FNDC3A: variants seen among roughly 807,000 people sequenced by gnomAD.
The protein encoded by FNDC3A is fibronectin type-III domain-containing protein 3A.
Under a neutral mutation model 148.9 loss-of-function variants are expected in FNDC3A, and 32 were observed. The observed-to-expected ratio is 0.21, with a 90% CI of 0.16 to 0.29. The LOEUF (loss-of-function observed/expected upper bound fraction) is 0.29, where lower values mean the gene tolerates loss of function less well. Among genes scored for constraint, FNDC3A ranks in the 10% least tolerant of loss-of-function variants. The pLI, the probability that FNDC3A is intolerant of heterozygous loss-of-function variation, is 1.00. For synonymous variants in FNDC3A, 472 were observed against 473.6 expected (o/e 1.00, Z 0.04); for missense variants, 1,191 against 1,452.8 (o/e 0.82, Z 2.93).
At chr13:49,134,984 T>C (rs896864912) in intron 5 of FNDC3A, among the ~76,000 whole-genome samples, 2 of 151,016 alleles carry the variant, frequency 1.3e-5, no homozygotes, top group African/African-American at 4.9e-5. Context: ...GCCTCGCGAA[T>C]AGCTGGGATT....
intron 4 of FNDC3A, among the ~76,000 whole-genome samples, chr13:49,126,891 G>A (rs1162898111): frequency 1.3e-5 from 2 of 152,186 alleles, no homozygotes; most frequent in African/African-American, 4.8e-5. Flanking sequence ...TATCCAGCAA[G>A]TGATACAGAA....
At chr13:49,119,607 AT>A (rs1881200181) in intron 4 of FNDC3A, among the ~76,000 whole-genome samples, 1 of 152,118 alleles carries the variant, frequency 6.6e-6, no homozygotes, top group South Asian at 2.1e-4. Flanking sequence ...GGTTACAGGA[AT>A]TGCTAACTTG....
At chr13:49,012,542 T>C (rs114643299) in intron 2 of FNDC3A, among the ~76,000 whole-genome samples, 266 of 152,174 alleles carry the variant, frequency 1.7e-3, no homozygotes, top group African/African-American at 6.2e-3. Flanking sequence ...TAGAATTAGC[T>C]TATCAATACA....
intron 17 of FNDC3A, among the ~76,000 whole-genome samples, chr13:49,189,610 C>T (rs1219770833): frequency 6.6e-6 from 1 of 151,662 alleles, no homozygotes; most frequent in East Asian, 1.9e-4. Context: ...GAAATATAGG[C>T]ATTTTGTTGA....
intron 2 of FNDC3A, 132 bp downstream of exon 2, chr13:49,006,421 TATAAG>T (rs1460585497): frequency 2.0e-6 from 1 of 502,882 alleles, no homozygotes; most frequent in Admixed American, 3.8e-5. Context: ...TGTTCAGTTT[TATAAG>T]ATGATAAAAA....
chr13:49,188,273 A>C (rs1885690309), intron 16 of FNDC3A, among the ~76,000 whole-genome samples: 1 of 152,234 alleles, frequency 6.6e-6, no homozygotes, highest in East Asian at 1.9e-4. Flanking sequence ...TTATCAATCT[A>C]GGCCAAAGTC....
chr13:49,004,375 A>T (rs911262726), intron 1 of FNDC3A, among the ~76,000 whole-genome samples: 3 of 152,088 alleles, frequency 2.0e-5, no homozygotes, highest in Non-Finnish European at 2.9e-5. Flanking sequence ...CAATAAACCA[A>T]TTTATAAATG....
intron 3 of FNDC3A, among the ~76,000 whole-genome samples, chr13:49,076,695 T>A (rs1878139014): frequency 6.6e-6 from 1 of 152,060 alleles, no homozygotes; most frequent in South Asian, 2.1e-4. Flanking sequence ...TGGTGAGTGC[T>A]GTAGTGTTAT....
At chr13:49,089,126 C>T (rs1879021742) in intron 3 of FNDC3A, among the ~76,000 whole-genome samples, 1 of 152,018 alleles carries the variant, frequency 6.6e-6, no homozygotes, top group South Asian at 2.1e-4. Context: ...GTGATAGTTG[C>T]ACAACAATGT....
chr13:49,129,502 C>T (rs1476716909), intron 4 of FNDC3A, among the ~76,000 whole-genome samples: 1 of 152,154 alleles, frequency 6.6e-6, no homozygotes, highest in African/African-American at 2.4e-5. Flanking sequence ...ATTTGGCTCA[C>T]TTAAAATCCA....
intron 19 of FNDC3A, among the ~76,000 whole-genome samples, chr13:49,196,598 C>A (rs1380636398): frequency 6.6e-6 from 1 of 152,188 alleles, no homozygotes; most frequent in South Asian, 2.1e-4. Flanking sequence ...CCACCGACCT[C>A]ATTCCCTAAT....
intron 2 of FNDC3A, among the ~76,000 whole-genome samples, chr13:49,071,690 C>G (rs1254641764): frequency 6.7e-6 from 1 of 149,270 alleles, no homozygotes; most frequent in Non-Finnish European, 1.5e-5. Flanking sequence ...GAAATGTCTA[C>G]TCAGATCTTT....
intron 1 of FNDC3A, among the ~76,000 whole-genome samples, chr13:48,982,927 A>C (rs2137547861): frequency 6.6e-6 from 1 of 152,324 alleles, no homozygotes; most frequent in South Asian, 2.1e-4. Flanking sequence ...ACAAGAATTA[A>C]AAGATCCTAT....
chr13:49,203,132 T>C (rs781143614), intron 24 of FNDC3A, 25 bp from the exon 25 acceptor site: 5 of 1,503,278 alleles, frequency 3.3e-6, no homozygotes, highest in Admixed American at 1.9e-5. Flanking sequence ...GTGGAACAGA[T>C]ATTATTTATA....
intron 8 of FNDC3A, among the ~76,000 whole-genome samples, chr13:49,156,091 CGTT>C (rs1266482966): frequency 2.1e-5 from 3 of 140,128 alleles, no homozygotes; most frequent in African/African-American, 8.0e-5. Flanking sequence ...CTTTCTGTCT[CGTT>C]GATCTGTCTA....
chr13:49,145,051 A>C (rs922068829), intron 7 of FNDC3A, among the ~76,000 whole-genome samples: 2 of 152,122 alleles, frequency 1.3e-5, no homozygotes, highest in African/African-American at 4.8e-5. Context: ...TAATGCTGCA[A>C]TGAACATTCT....
intron 24 of FNDC3A, among the ~76,000 whole-genome samples, chr13:49,202,297 G>A (rs1376230667): frequency 5.9e-5 from 9 of 152,130 alleles, no homozygotes; most frequent in Non-Finnish European, 5.9e-5. Flanking sequence ...TTGTTTAAAC[G>A]TTTTGAGTTA....
chr13:49,004,065 G>A (rs181636607), intron 1 of FNDC3A, among the ~76,000 whole-genome samples: 3 of 152,184 alleles, frequency 2.0e-5, no homozygotes, highest in African/African-American at 7.2e-5. Context: ...AATACATGCT[G>A]TAAGTTATTT....
chr13:49,142,436 A>C (rs190617371), intron 7 of FNDC3A, among the ~76,000 whole-genome samples: 2 of 152,220 alleles, frequency 1.3e-5, no homozygotes, highest in African/African-American at 4.8e-5. Flanking sequence ...ATGCTAGATT[A>C]GTACTCCAGC....
Sources: gnomAD v4.1 joint callset for allele counts (sites outside exome capture counted in the v4.1 genomes callset) on GRCh38, gnomAD v4.1.1 for gene constraint, MANE v1.5 for transcripts, NCBI Gene and HGNC (gene_info 2026-07-23, HGNC 2026-07-21) for gene names.